The following MDM4 variants were observed in gnomAD, a reference collection of about 807,000 sequenced individuals.
MDM4 encodes MDM4 regulator of p53.
A neutral mutation model predicts 60.2 loss-of-function variants in MDM4; 2 were observed. The observed-to-expected ratio is 0.03, with a 90% CI of 0.01 to 0.10. The LOEUF (loss-of-function observed/expected upper bound fraction) is 0.10, where lower values mean the gene tolerates loss of function less well. MDM4 is among the 10% of genes least tolerant of loss of function. The pLI is 1.00. For synonymous variants in MDM4, 202 were observed against 198.1 expected, an observed-to-expected ratio of 1.02 and a Z score of -0.17; for missense variants, 447 against 577.5, an observed-to-expected ratio of 0.77 and a Z score of 2.32.
At chr1:204,544,238 T>G (rs1232033569) in intron 8 of MDM4, among the ~76,000 whole-genome samples, 1 of 152,230 alleles carries the variant, frequency 6.6e-6, no homozygotes, top group Admixed American at 6.5e-5. Context: ...TCTATTTACT[T>G]GAGCAACTAC....
chr1:204,529,410 G>A (rs1019344442), intron 3 of MDM4: 4 of 1,280,104 alleles, frequency 3.1e-6, no homozygotes, highest in Non-Finnish European at 1.1e-6. Context: ...GTAGGAATTT[G>A]GAGGTGGCTG....
At chr1:204,532,534 A>G (rs1660966302) in intron 5 of MDM4, 1 of 555,022 alleles carries the variant, frequency 1.8e-6, no homozygotes, top group Non-Finnish European at 3.1e-6. Flanking sequence ...TTTTTTCTCC[A>G]AACATTCAAT....
Position 204,554,091 on chromosome 1 carries a change from AT to A in MDM4, c.*4412del, listed in dbSNP as rs1166047663. On this transcript the variant is annotated 3_prime_UTR_variant, in exon 11 of 11. Coordinates refer to ENST00000367182, the MANE Select transcript of MDM4 (RefSeq NM_002393.5). ...GAATTTATTTTTAAGGGTCAAGGTCATTTGTAACATTTTGTGTGTGTCAATT... is the reference window on the plus strand; with the variant it reads ...GAATTTATTTTTAAGGGTCAAGGTCATTGTAACATTTTGTGTGTGTCAATT... 1 of 228,996 alleles carries A rather than the reference AT, an allele frequency of 4.4e-6. No individual in the cohort carries two copies. Among genetic ancestry groups the A allele is most frequent in the East Asian group, 6.3e-5 (1 of 15,926 alleles). The allele number at this position is 228,996 out of a possible 1,614,324, so 14.2% of individuals were successfully genotyped here. A position where few individuals can be genotyped will look rare whatever the true frequency, so the allele number is the denominator to read the frequency against.
intron 1 of MDM4, among the ~76,000 whole-genome samples, chr1:204,522,461 G>A (rs774562897): frequency 1.1e-4 from 16 of 150,242 alleles, no homozygotes; most frequent in Non-Finnish European, 1.9e-4. Flanking sequence ...GCAGTGGCAC[G>A]ATCTCGGCTC....
intron 1 of MDM4, 60 bp from the exon 2 acceptor site, chr1:204,525,424 A>G: frequency 2.0e-6 from 3 of 1,499,098 alleles, no homozygotes; most frequent in Non-Finnish European, 2.7e-6. Context: ...CTTTGTGTGA[A>G]TGCTAAATAG....
At chr1:204,548,097 C>T (rs1662846837) in intron 10 of MDM4, among the ~76,000 whole-genome samples, 1 of 152,238 alleles carries the variant, frequency 6.6e-6, no homozygotes, top group African/African-American at 2.4e-5. Context: ...TGTATTTCAT[C>T]ATATCAAAGA....
intron 6 of MDM4, 58 bp from the exon 7 acceptor site, chr1:204,538,151 A>G (rs541354806): frequency 1.9e-5 from 18 of 928,042 alleles, no homozygotes; most frequent in Non-Finnish European, 2.9e-5. Context: ...TGGAACTGCT[A>G]CATCCCCTGG....
At chr1:204,542,978 T>C in intron 8 of MDM4, 34 bp downstream of exon 8, 2 of 1,565,724 alleles carry the variant, frequency 1.3e-6, no homozygotes, top group South Asian at 2.3e-5. Context: ...GTGGTTTTTT[T>C]TCTTTTGAAA....
intron 1 of MDM4, among the ~76,000 whole-genome samples, chr1:204,520,277 CAAAAAAAA>C (rs35340106): frequency 3.1e-5 from 2 of 65,484 alleles, no homozygotes; most frequent in Admixed American, 3.2e-4. Context: ...GACTCCATCT[CAAAAAAAA>C]AAAAAAAAAA....
intron 7 of MDM4, among the ~76,000 whole-genome samples, chr1:204,540,949 T>A (rs1477466523): frequency 6.6e-6 from 1 of 152,228 alleles, no homozygotes; most frequent in East Asian, 1.9e-4. Context: ...CTGCTGAAGT[T>A]ATTTTAAAAG....
At chr1:204,541,991 A>G (rs1662137969) in intron 7 of MDM4, among the ~76,000 whole-genome samples, 1 of 152,238 alleles carries the variant, frequency 6.6e-6, no homozygotes, top group Non-Finnish European at 1.5e-5. Context: ...AGACTGGAGT[A>G]TGGGAAAGAA....
At chr1:204,520,462 G>A (rs987891446) in intron 1 of MDM4, among the ~76,000 whole-genome samples, 1 of 151,212 alleles carries the variant, frequency 6.6e-6, no homozygotes, top group Non-Finnish European at 1.5e-5. Context: ...AAAAAGGAAA[G>A]CAAGGGAAAT....
chr1:204,526,482 G>A (rs868401079), intron 3 of MDM4, 48 bp downstream of exon 3: 1 of 535,526 alleles, frequency 1.9e-6, no homozygotes, highest in South Asian at 2.9e-5. Context: ...TTTTTTTTTT[G>A]AGATGGAGTC....
intron 1 of MDM4, among the ~76,000 whole-genome samples, 164 bp downstream of exon 1, chr1:204,516,673 G>C (rs937157946): frequency 4.6e-5 from 7 of 152,172 alleles, no homozygotes; most frequent in Non-Finnish European, 1.0e-4. Flanking sequence ...GGCTCGGGGG[G>C]AGGGGAAGAG....
At chr1:204,544,290 G>A (rs1662426653) in intron 8 of MDM4, among the ~76,000 whole-genome samples, 1 of 152,162 alleles carries the variant, frequency 6.6e-6, no homozygotes, top group Non-Finnish European at 1.5e-5. Flanking sequence ...TTTCTTAGGT[G>A]TTATACCTGA....
intron 1 of MDM4, among the ~76,000 whole-genome samples, chr1:204,523,937 G>A (rs1225231922): frequency 6.6e-6 from 1 of 152,064 alleles, no homozygotes; most frequent in Non-Finnish European, 1.5e-5. Context: ...AATACTGATG[G>A]GCTATTTTAA....
At chr1:204,532,801 G>T (rs375555162) in intron 5 of MDM4, 1 of 1,611,128 alleles carries the variant, frequency 6.2e-7, no homozygotes, top group South Asian at 1.1e-5. Context: ...AATTTCCCAC[G>T]CTCTAGAGTT....
chr1:204,538,229 C>T lies in MDM4; in HGVS notation c.432C>T (p.Ser144=), dbSNP rs878913118. The change falls in exon 7 of 11, where the codon TCC becomes TCT. Residue 144 remains serine (S), a synonymous_variant. Coordinates refer to ENST00000367182, the MANE Select transcript of MDM4 (RefSeq NM_002393.5). ...TTCAGCAAAGTGCAGAGGAAAGTTC[C>T]ACTTCCAGAAAAAGAACTACAGAAG... ...DQLKQSAEES[S]TSRKRTTEDD... The T allele has an allele frequency of 1.2e-6, 2 of 1,608,492 alleles. No homozygotes were observed. The highest frequency in any genetic ancestry group is 2.7e-5 in the African/African-American group (2 of 74,926).
rs10711972 is a variant in MDM4, at chr1:204,522,863, C to CT, written c.-35-2605dup. On this transcript the variant is annotated intron_variant, in intron 1 of 10. Coordinates refer to ENST00000367182, the MANE Select transcript of MDM4 (RefSeq NM_002393.5). ...TTCAGCCAGTGTATTTACTGATTGT[C>CT]TTTTTTTTTTTTTTTTGAGATGGAG... Among the ~76,000 whole-genome samples, 643 of 141,394 alleles carry CT rather than the reference C, an allele frequency of 4.5e-3. 7 individuals are homozygous for CT. The highest frequency in any genetic ancestry group is 0.014 in the African/African-American group (539 of 38,112). 92.8% of individuals were successfully genotyped at this position (141,394 alleles called of 152,430 possible).
Sources: allele counts gnomAD v4.1 joint callset (sites outside exome capture counted in the v4.1 genomes callset), GRCh38; gene constraint gnomAD v4.1.1; transcripts MANE v1.5; gene names NCBI Gene and HGNC (gene_info 2026-07-23, HGNC 2026-07-21).